The following PPARG variants were observed in gnomAD, a reference collection of about 807,000 sequenced individuals.
The protein encoded by PPARG is peroxisome proliferator activated receptor gamma, also known as peroxisome proliferator-activated receptor gamma.
Under a neutral mutation model 39.2 loss-of-function variants are expected in PPARG, and 17 were observed. The observed-to-expected ratio is 0.43, with a 90% CI of 0.30 to 0.65. The LOEUF (loss-of-function observed/expected upper bound fraction) is 0.65, where lower values mean the gene tolerates loss of function less well. Among genes scored for constraint, PPARG ranks in the 30% least tolerant of loss-of-function variants. The pLI is 0.13. For missense variants in PPARG, 406 were observed against 585.9 expected, an observed-to-expected ratio of 0.69 and a Z score of 3.17; for synonymous variants, 223 against 215.7, an observed-to-expected ratio of 1.03 and a Z score of -0.30.
chr3:12,413,943 C>T (rs1039341630), intron 6 of PPARG, among the ~76,000 whole-genome samples: 1 of 151,928 alleles, frequency 6.6e-6, no homozygotes, highest in Non-Finnish European at 1.5e-5. Context: ...GTTAAAGTCA[C>T]ATTGTTGTTA....
intron 4 of PPARG, among the ~76,000 whole-genome samples, chr3:12,388,646 A>G (rs940028304): frequency 6.6e-5 from 10 of 152,212 alleles, no homozygotes; most frequent in Non-Finnish European, 1.2e-4. Context: ...GTGAGAAGCT[A>G]ACCATCTTGA....
At chr3:12,379,997 T>A (rs2049582861) in intron 3 of PPARG, 66 bp downstream of exon 3, 3 of 1,327,332 alleles carry the variant, frequency 2.3e-6, no homozygotes, top group South Asian at 2.4e-5. Context: ...TCAGTAACCC[T>A]GTAATAAATA....
intron 2 of PPARG, among the ~76,000 whole-genome samples, chr3:12,336,990 G>A (rs1038686583): frequency 1.3e-5 from 2 of 152,070 alleles, no homozygotes; most frequent in Admixed American, 6.6e-5. Context: ...CTAATGCTGC[G>A]CTAAGAATTA....
chr3:12,288,235 G>A (rs985884063), upstream of PPARG, among the ~76,000 whole-genome samples: 3 of 151,934 alleles, frequency 2.0e-5, no homozygotes, highest in African/African-American at 7.2e-5. Flanking sequence ...GCAGGACCCG[G>A]ACTGACGGGT....
intron 5 of PPARG, among the ~76,000 whole-genome samples, chr3:12,404,302 C>G (rs1225180145): frequency 1.3e-5 from 2 of 152,124 alleles, no homozygotes; most frequent in Non-Finnish European, 2.9e-5. Flanking sequence ...CTAAGGAGGC[C>G]CCTACCAAAC....
At chr3:12,371,897 G>A (rs2049228958) in intron 2 of PPARG, 1 of 707,586 alleles carries the variant, frequency 1.4e-6, no homozygotes, top group African/African-American at 1.7e-5. Flanking sequence ...CATGATGGGA[G>A]AGGAATTAGT....
At chr3:12,354,064 C>A (rs2048577700) in intron 2 of PPARG, among the ~76,000 whole-genome samples, 1 of 152,146 alleles carries the variant, frequency 6.6e-6, no homozygotes, top group Non-Finnish European at 1.5e-5. Context: ...ACGAGTCTCT[C>A]CTGAGATAGG....
chr3:12,328,088 T>C (rs2047744718), intron 2 of PPARG: 1 of 1,448,660 alleles, frequency 6.9e-7, no homozygotes, highest in Non-Finnish European at 9.7e-7. Flanking sequence ...GAGACTAACA[T>C]GTATGAAGGT....
chr3:12,331,877 A>G (rs990693436), intron 2 of PPARG, among the ~76,000 whole-genome samples: 4 of 152,188 alleles, frequency 2.6e-5, no homozygotes, highest in African/African-American at 9.7e-5. Flanking sequence ...TAGAGGATGA[A>G]TGGAGTTTTT....
rs547475159 is a variant in PPARG, at chr3:12,322,985, T to A, written c.-9+10532T>A. Among the ~76,000 whole-genome samples the A allele has an allele frequency of 2.6e-5, 4 of 151,750 alleles. No homozygotes were observed. The South Asian group carries it at 8.4e-4, about 32-fold the overall frequency. On this transcript the variant is annotated intron_variant, in intron 2 of 7. Transcript: ENST00000651735. ...CCTAGCTAATTTTTGTATTTTTTTT[T>A]AATAGAGGTGGAATCTCGCTATGTT...
At chr3:12,317,236 A>G (rs1357321429) in intron 2 of PPARG, among the ~76,000 whole-genome samples, 1 of 152,218 alleles carries the variant, frequency 6.6e-6, no homozygotes, top group African/African-American at 2.4e-5. Context: ...TGGAACTGAG[A>G]TTAGGAACGA....
chr3:12,376,171 A>G (rs893326850), intron 2 of PPARG, among the ~76,000 whole-genome samples: 12 of 151,872 alleles, frequency 7.9e-5, no homozygotes, highest in African/African-American at 2.4e-4. Context: ...CTGGTCTCGA[A>G]CTCCTGACCT....
intron 2 of PPARG, among the ~76,000 whole-genome samples, chr3:12,329,704 G>A (rs1016846416): frequency 5.9e-5 from 9 of 151,960 alleles, no homozygotes; most frequent in East Asian, 1.9e-4. Flanking sequence ...CATTGGTTAC[G>A]TTCACAATGT....
intron 7 of PPARG, among the ~76,000 whole-genome samples, chr3:12,425,884 G>A (rs373492063): frequency 1.1e-4 from 16 of 152,280 alleles, no homozygotes; most frequent in African/African-American, 2.6e-4. Flanking sequence ...GAAATCTCGG[G>A]TTCCATTTTC....
chr3:12,318,301 T>C (rs1269654585), intron 2 of PPARG, among the ~76,000 whole-genome samples: 1 of 152,224 alleles, frequency 6.6e-6, no homozygotes, highest in Non-Finnish European at 1.5e-5. Context: ...TGAGGCTATG[T>C]CAAATTTAAA....
intron 2 of PPARG, among the ~76,000 whole-genome samples, chr3:12,359,674 C>A (rs192008386): frequency 1.5e-5 from 2 of 129,850 alleles, no homozygotes; most frequent in East Asian, 2.1e-4. Flanking sequence ...TCTTTTATTT[C>A]TTTTTTTTTT....
At chr3:12,339,098 C>T (rs1288683413) in intron 2 of PPARG, among the ~76,000 whole-genome samples, 1 of 152,110 alleles carries the variant, frequency 6.6e-6, no homozygotes, top group Non-Finnish European at 1.5e-5. Flanking sequence ...CTAGGCAGTT[C>T]AGCAGTAAAC....
chr3:12,372,126 T>G (rs776134561), intron 2 of PPARG: 11 of 720,056 alleles, frequency 1.5e-5, no homozygotes, highest in Non-Finnish European at 2.9e-5. Flanking sequence ...GTACTCTTGT[T>G]GCCTAGCTGA....
At chr3:12,420,669 C>T (rs1309975243) in intron 7 of PPARG, among the ~76,000 whole-genome samples, 1 of 152,156 alleles carries the variant, frequency 6.6e-6, no homozygotes, top group East Asian at 1.9e-4. Context: ...CCCTAGAGGA[C>T]CCAAAGAGGA....
Sources: gnomAD v4.1 joint callset for allele counts (sites outside exome capture counted in the v4.1 genomes callset) on GRCh38, gnomAD v4.1.1 for gene constraint, MANE v1.5 for transcripts, NCBI Gene and HGNC (gene_info 2026-07-23, HGNC 2026-07-21) for gene names.